The following MACF1 variants were observed in gnomAD, a reference collection of about 807,000 sequenced individuals.
MACF1 encodes the protein microtubule-actin cross-linking factor 1.
A neutral mutation model predicts 854.8 loss-of-function variants in MACF1; 193 were observed. The ratio of observed to expected loss-of-function variants is 0.23; its 90% CI spans 0.20 to 0.25. The LOEUF (loss-of-function observed/expected upper bound fraction) is 0.25. MACF1 is among the 10% of genes least tolerant of loss of function. The pLI is 1.00. For missense variants in MACF1, 7,722 were observed against 8,929.1 expected (o/e 0.86, Z 5.45); for synonymous variants, 3,185 against 3,226.7 (o/e 0.99, Z 0.44).
chr1:39,416,612 A>G (rs1438271081), intron 58 of MACF1, among the ~76,000 whole-genome samples: 2 of 152,252 alleles, frequency 1.3e-5, no homozygotes, highest in Non-Finnish European at 2.9e-5. Flanking sequence ...AGTCATAGAA[A>G]TCCTGTATCA....
intron 2 of MACF1, among the ~76,000 whole-genome samples, chr1:39,183,853 T>G (rs1244616250): frequency 6.6e-6 from 1 of 152,202 alleles, no homozygotes; most frequent in Non-Finnish European, 1.5e-5. Context: ...CAGAAACCTC[T>G]GGGTGGCACC....
chr1:39,218,943 G>A (rs1024676157), intron 1 of MACF1, among the ~76,000 whole-genome samples: 4 of 152,082 alleles, frequency 2.6e-5, no homozygotes, highest in Non-Finnish European at 5.9e-5. Flanking sequence ...ACCACACCTG[G>A]CTGATTTTTG....
At chr1:39,175,888 G>C (rs1435233693) in intron 2 of MACF1, among the ~76,000 whole-genome samples, 1 of 145,836 alleles carries the variant, frequency 6.9e-6, no homozygotes, top group East Asian at 2.0e-4. Context: ...ACAAGGTCAG[G>C]AGATCAAGAC....
chr1:39,256,614 G>A (rs989903153), intron 5 of MACF1, among the ~76,000 whole-genome samples: 2 of 152,108 alleles, frequency 1.3e-5, no homozygotes, highest in Non-Finnish European at 2.9e-5. Context: ...GTAGAAGTAG[G>A]GTGGTTTGCC....
At position 39,369,878 on chromosome 1, in the gene MACF1, G is replaced by A. The variant is rs575121826; in HGVS notation, c.12939-152G>A. On this transcript the variant is annotated intron_variant, in intron 50 of 100. Coordinates refer to ENST00000564288, the MANE Select transcript of MACF1 (RefSeq NM_001394062.1). ...TTTGGTACGCTTCAATGTTATATGCGGTTGTTCAGCCAAACCTGCTATGGA... is the reference window on the plus strand; with the variant it reads ...TTTGGTACGCTTCAATGTTATATGCAGTTGTTCAGCCAAACCTGCTATGGA... 2.3e-4 allele frequency: 153 copies of A among 654,080 alleles called. 1 individual carries two copies. Among genetic ancestry groups the A allele is most frequent in the South Asian group, 1.8e-3 (87 of 48,372 alleles). 40.5% of individuals were successfully genotyped at this position (654,080 alleles called of 1,614,324 possible).
chr1:39,168,176 C>T (rs899794759), intron 2 of MACF1, among the ~76,000 whole-genome samples: 4 of 152,310 alleles, frequency 2.6e-5, no homozygotes, highest in African/African-American at 7.2e-5. Flanking sequence ...TGTCTACTCT[C>T]CCTGGTCCAG....
Position 39,325,157 on chromosome 1 carries a change from A to G in MACF1, c.4478+423A>G, listed in dbSNP as rs1290430461. Among the ~76,000 whole-genome samples, 7 of 152,384 alleles carry G rather than the reference A, an allele frequency of 4.6e-5. No homozygotes were observed. In the East Asian group the frequency reaches 1.2e-3, roughly 25 times the overall value. On this transcript the variant is annotated intron_variant, in intron 35 of 100. Transcript: ENST00000564288. The stretch of plus-strand genomic sequence containing the variant: ...TGACAGAGATTTGAATTATCAGTGT[A>G]TTAGAAACCATGTGGGTAGATTACT...
At chr1:39,316,659 AT>A in intron 28 of MACF1, 130 bp downstream of exon 28, 5 of 796,080 alleles carry the variant, frequency 6.3e-6, no homozygotes, top group African/African-American at 1.8e-5. Flanking sequence ...ATGTCATTAA[AT>A]ATATTTTAAT....
chr1:39,449,555 C>T (rs1175298403), intron 84 of MACF1, among the ~76,000 whole-genome samples: 7 of 151,770 alleles, frequency 4.6e-5, no homozygotes, highest in South Asian at 4.2e-4. Context: ...CCCGCCACCA[C>T]GCCTGGCTAG....
rs1644967336 is a variant in MACF1, at chr1:39,479,120, C to A, written c.21959-678C>A. Among the ~76,000 whole-genome samples the A allele has an allele frequency of 2.0e-5, 3 of 152,220 alleles. 1 individual carries two copies. In the South Asian group the frequency reaches 6.2e-4, roughly 31 times the overall value. ...TCCCGTGCCGACTCCACGTTCTTTG[C>A]ATCTTGATGTTCCTCCTACTTGCAG... is the stretch of plus-strand genomic sequence containing the variant. On this transcript the variant is annotated intron_variant, in intron 97 of 100. Transcript: ENST00000564288.
At position 39,463,524 on chromosome 1, in the gene MACF1, T is replaced by C. The variant is rs1388009233; in HGVS notation, c.21679-88T>C. On this transcript the variant is annotated intron_variant, in intron 93 of 100. Coordinates refer to ENST00000564288, the MANE Select transcript of MACF1 (RefSeq NM_001394062.1). ...AAAAAAATGTAAATAATGAATAGCC[T>C]CCCTGTTAATGTATAAAAATCTTTG... 25 of 840,730 alleles carry C rather than the reference T, an allele frequency of 3.0e-5. No homozygotes were observed. The Admixed American group carries it at 3.7e-4, about 13-fold the overall frequency. The allele number at this position is 840,730 out of a possible 1,614,324, so 52.1% of individuals were successfully genotyped here.
At chr1:39,110,786 C>T (rs1030174220) in intron 2 of MACF1, among the ~76,000 whole-genome samples, 20 of 152,128 alleles carry the variant, frequency 1.3e-4, no homozygotes, top group African/African-American at 4.3e-4. Context: ...TGGCAAATGA[C>T]GTAATACAAA....
At chr1:39,119,135 A>G (rs1040846074) in intron 2 of MACF1, among the ~76,000 whole-genome samples, 1 of 152,124 alleles carries the variant, frequency 6.6e-6, no homozygotes, top group Non-Finnish European at 1.5e-5. Context: ...CGGGACCAAC[A>G]TGGAGAAACC....
intron 13 of MACF1, 55 bp from the exon 14 acceptor site, chr1:39,285,549 C>G (rs1645626844): frequency 3.8e-6 from 6 of 1,583,542 alleles, no homozygotes; most frequent in Non-Finnish European, 5.2e-6. Flanking sequence ...TCCCTCTGTC[C>G]TAGTGAGTGG....
intron 21 of MACF1, chr1:39,298,570 T>G (rs1438619863): frequency 2.6e-6 from 1 of 384,630 alleles, no homozygotes; most frequent in East Asian, 7.3e-5. Context: ...ATAAGAGAAC[T>G]AGAATAACCC....
At chr1:39,092,585 A>G (rs1641833220) in intron 2 of MACF1, among the ~76,000 whole-genome samples, 1 of 152,184 alleles carries the variant, frequency 6.6e-6, no homozygotes. Context: ...CAGTTATTCA[A>G]GTGCTGAGTT....
At chr1:39,361,061 A>C (rs533894781) in intron 48 of MACF1, 60 bp downstream of exon 48, 43 of 1,425,794 alleles carry the variant, frequency 3.0e-5, no homozygotes, top group Middle Eastern at 1.9e-4. Flanking sequence ...CCATCATTAC[A>C]TAATGTTGAA....
chr1:39,452,326 C>T lies in MACF1; in HGVS notation c.20589C>T (p.Ser6863=). The change falls in exon 86 of 101, where the codon AGC becomes AGT. Residue 6863 remains serine (S), a synonymous_variant. Transcript: ENST00000564288. ...GTAAACTCTCTGTTTCCAAACAAAG[C>T]CGGCTTGAGCAGGCCTTAAAACAAG... ...TVCKLSVSKQ[S]RLEQALKQAE... is the part of the protein sequence containing the mutation. 1 of 1,613,992 alleles carries T rather than the reference C, an allele frequency of 6.2e-7. No individual in the cohort carries two copies. Among genetic ancestry groups the T allele is most frequent in the Middle Eastern group, 1.6e-4 (1 of 6,062 alleles).
At chr1:39,472,810 A>C (rs1166441084) in intron 97 of MACF1, among the ~76,000 whole-genome samples, 1 of 137,194 alleles carries the variant, frequency 7.3e-6, no homozygotes, top group African/African-American at 2.5e-5. Flanking sequence ...AAGGAAAATA[A>C]AAGGGAGAAG....
Sources: allele counts gnomAD v4.1 joint callset (sites outside exome capture counted in the v4.1 genomes callset), GRCh38; gene constraint gnomAD v4.1.1; transcripts MANE v1.5; gene names NCBI Gene and HGNC (gene_info 2026-07-23, HGNC 2026-07-21).